Variants in KCNK13 observed in about 807,000 individuals in gnomAD.
KCNK13 encodes the protein potassium two pore domain channel subfamily K member 13.
In KCNK13, 12 loss-of-function variants were observed where a neutral mutation model predicts 23.4. The observed-to-expected ratio is 0.51, with a 90% CI of 0.33 to 0.83. KCNK13 has a LOEUF of 0.83. Among genes scored for constraint, KCNK13 ranks in the 40% least tolerant of loss-of-function variants. The probability of loss-of-function intolerance (pLI) is 0.02; values close to 1 mark genes in which losing one functional copy is unlikely to be tolerated. For synonymous variants in KCNK13, 231 were observed against 229.5 expected (o/e 1.01, Z -0.06); for missense variants, 463 against 556.3 (o/e 0.83, Z 1.69).
intron 1 of KCNK13, among the ~76,000 whole-genome samples, chr14:90,142,282 T>C (rs886424345): frequency 7.9e-5 from 12 of 151,230 alleles, no homozygotes; most frequent in Admixed American, 7.9e-4. Context: ...CATGCATCAA[T>C]AATGTGTTTT....
rs74082614 is a variant in KCNK13 at position 90,115,319 on chromosome 14, C to T, written c.334+52780C>T. Among the ~76,000 whole-genome samples the T allele has an allele frequency of 1.9e-3, 289 of 152,220 alleles. 2 individuals are homozygous for T. Among genetic ancestry groups the T allele is most frequent in the African/African-American group, 6.6e-3 (274 of 41,546 alleles). On this transcript the variant is annotated intron_variant, in intron 1 of 1. Coordinates refer to ENST00000282146, the MANE Select transcript of KCNK13 (RefSeq NM_022054.4). ...TCACATGATTCTGGAAGAGCCAGCCCGCTCCTGCTGGTCACTGGGCTCCAC... is the reference window on the plus strand; with the variant it reads ...TCACATGATTCTGGAAGAGCCAGCCTGCTCCTGCTGGTCACTGGGCTCCAC...
At chr14:90,145,108 A>C (rs1219957039) in intron 1 of KCNK13, among the ~76,000 whole-genome samples, 1 of 152,132 alleles carries the variant, frequency 6.6e-6, no homozygotes, top group Non-Finnish European at 1.5e-5. Flanking sequence ...TGATTTTCAA[A>C]TATTAAACAA....
chr14:90,157,463 A>T lies in KCNK13; in HGVS notation c.335-26648A>T, dbSNP rs184069495. On this transcript the variant is annotated intron_variant, in intron 1 of 1. Transcript: ENST00000282146. ...CAGGCTGGAGTGCAGTGGTGCAGTC[A>T]TAGCTCACTGCAGCCTTAAACTCCT... Among the ~76,000 whole-genome samples the T allele has an allele frequency of 6.4e-4, 95 of 149,436 alleles. 2 individuals are homozygous for T. Among genetic ancestry groups the T allele is most frequent in the Admixed American group, 6.3e-3 (95 of 15,036 alleles).
chr14:90,133,152 C>G (rs1889894825), intron 1 of KCNK13, among the ~76,000 whole-genome samples: 1 of 152,214 alleles, frequency 6.6e-6, no homozygotes, highest in Non-Finnish European at 1.5e-5. Flanking sequence ...GTTTGACAAG[C>G]TTGATCTCAT....
At chr14:90,177,788 C>A (rs879561397) in intron 1 of KCNK13, among the ~76,000 whole-genome samples, 3 of 152,144 alleles carry the variant, frequency 2.0e-5, no homozygotes, top group Admixed American at 6.6e-5. Context: ...TATTAACCAT[C>A]CCTGGAGCTG....
At chr14:90,127,030 GA>G (rs1257866086) in intron 1 of KCNK13, among the ~76,000 whole-genome samples, 6 of 152,102 alleles carry the variant, frequency 3.9e-5, no homozygotes, top group African/African-American at 1.4e-4. Context: ...CTAGAAGAGA[GA>G]AAAGACATTA....
At position 90,123,825 on chromosome 14, in the gene KCNK13, C is replaced by G. The variant is rs190957466; in HGVS notation, c.335-60286C>G. 2.1e-3 allele frequency among the ~76,000 whole-genome samples: 320 copies of G among 152,186 alleles called. 4 individuals carry two copies. Among genetic ancestry groups the G allele is most frequent in the African/African-American group, 7.1e-3 (296 of 41,520 alleles). On this transcript the variant is annotated intron_variant, in intron 1 of 1. Coordinates refer to ENST00000282146, the MANE Select transcript of KCNK13 (RefSeq NM_022054.4). ...TAAAAGAAAAATTTCTGTAGAGATG[C>G]GGTCTCACTGTGTTGCCCAGGCTGA...
intron 1 of KCNK13, among the ~76,000 whole-genome samples, chr14:90,166,551 C>G (rs1890305155): frequency 6.6e-6 from 1 of 151,960 alleles, no homozygotes; most frequent in Non-Finnish European, 1.5e-5. Flanking sequence ...ACTAAAAATA[C>G]AAAAATTAGC....
chr14:90,159,355 C>G (rs115234330), intron 1 of KCNK13, among the ~76,000 whole-genome samples: 101 of 152,288 alleles, frequency 6.6e-4, no homozygotes, highest in Non-Finnish European at 1.1e-3. Flanking sequence ...AAATCAGAAA[C>G]GGAGCCAGGA....
rs1356358077 is a variant in KCNK13 at position 90,153,484 on chromosome 14, T to C, written c.335-30627T>C. Among the ~76,000 whole-genome samples the C allele has an allele frequency of 2.6e-5, 4 of 152,242 alleles. No homozygotes were observed. In the East Asian group the frequency reaches 7.7e-4, roughly 29 times the overall value. ...TGGAACCCGGTACATGCTGGATAAA[T>C]ACTAACTGTTGCTGTTATTATCATC... On this transcript the variant is annotated intron_variant, in intron 1 of 1. Transcript: ENST00000282146.
intron 1 of KCNK13, among the ~76,000 whole-genome samples, chr14:90,180,892 C>T (rs1890477256): frequency 1.3e-5 from 2 of 152,048 alleles, no homozygotes; most frequent in South Asian, 4.2e-4. Flanking sequence ...GGGTCTCACT[C>T]TGTCACCAGG....
At chr14:90,100,952 C>T (rs879289940) in intron 1 of KCNK13, among the ~76,000 whole-genome samples, 2 of 152,062 alleles carry the variant, frequency 1.3e-5, no homozygotes, top group Non-Finnish European at 2.9e-5. Flanking sequence ...CCTCAGCCTC[C>T]CAAAGTGCTG....
At chr14:90,079,418 GCCCA>G (rs1400845870) in intron 1 of KCNK13, among the ~76,000 whole-genome samples, 1 of 152,108 alleles carries the variant, frequency 6.6e-6, no homozygotes, top group African/African-American at 2.4e-5. Context: ...TTAGAATTTG[GCCCA>G]CCTTGAGGCA....
intron 1 of KCNK13, among the ~76,000 whole-genome samples, chr14:90,077,549 CT>C (rs1373977885): frequency 5.9e-5 from 9 of 152,184 alleles, no homozygotes; most frequent in African/African-American, 2.4e-5. Context: ...GGTACTTTTG[CT>C]TTGTTTTCAT....
At chr14:90,101,097 T>G (rs1430161608) in intron 1 of KCNK13, among the ~76,000 whole-genome samples, 2 of 152,196 alleles carry the variant, frequency 1.3e-5, no homozygotes, top group African/African-American at 2.4e-5. Context: ...CAATCCCCTG[T>G]TCAGTTTCTC....
chr14:90,176,898 T>C (rs1890428150), intron 1 of KCNK13, among the ~76,000 whole-genome samples: 1 of 152,164 alleles, frequency 6.6e-6, no homozygotes, highest in Non-Finnish European at 1.5e-5. Context: ...CATGCGCCTG[T>C]AGTCCCAGCT....
chr14:90,145,969 C>A (rs1890068427), intron 1 of KCNK13, among the ~76,000 whole-genome samples: 1 of 150,720 alleles, frequency 6.6e-6, no homozygotes, highest in Non-Finnish European at 1.5e-5. Flanking sequence ...CATGATCACG[C>A]CTGGGTAACA....
intron 1 of KCNK13, among the ~76,000 whole-genome samples, chr14:90,077,389 G>A (rs1272055757): frequency 2.0e-5 from 3 of 152,144 alleles, no homozygotes; most frequent in African/African-American, 7.2e-5. Flanking sequence ...CCAAAGTGCT[G>A]GGATTACAGG....
intron 1 of KCNK13, among the ~76,000 whole-genome samples, chr14:90,090,144 C>T (rs977861109): frequency 6.6e-6 from 1 of 152,226 alleles, no homozygotes; most frequent in Non-Finnish European, 1.5e-5. Context: ...AATCCACCGA[C>T]CGCTTGCACC....
Sources: gnomAD v4.1 joint callset for allele counts (sites outside exome capture counted in the v4.1 genomes callset) on GRCh38, gnomAD v4.1.1 for gene constraint, MANE v1.5 for transcripts, NCBI Gene and HGNC (gene_info 2026-07-23, HGNC 2026-07-21) for gene names.